The following ADGRL2 variants were observed in gnomAD, a reference collection of about 807,000 sequenced individuals.
ADGRL2 encodes the protein adhesion G protein-coupled receptor L2.
Under a neutral mutation model 157.4 loss-of-function variants are expected in ADGRL2, and 44 were observed. The observed-to-expected ratio is 0.28, with a 90% CI of 0.22 to 0.36. ADGRL2 has a LOEUF of 0.36. Ranked by LOEUF, ADGRL2 falls within the 10% of genes least tolerant of loss-of-function variation. The pLI, the probability that ADGRL2 is intolerant of heterozygous loss-of-function variation, is 1.00. For missense variants in ADGRL2, 1,510 were observed against 1,768.9 expected (o/e 0.85, Z 2.63); for synonymous variants, 585 against 624.7 (o/e 0.94, Z 0.95).
intron 2 of ADGRL2, among the ~76,000 whole-genome samples, chr1:81,458,077 C>A (rs1367768228): frequency 6.6e-6 from 1 of 152,064 alleles, no homozygotes; most frequent in Non-Finnish European, 1.5e-5. Context: ...TTTACAGATG[C>A]TAAAATTGAG....
intron 1 of ADGRL2, among the ~76,000 whole-genome samples, chr1:81,366,262 G>A (rs1016416036): frequency 6.6e-6 from 1 of 150,760 alleles, no homozygotes; most frequent in East Asian, 2.0e-4. Flanking sequence ...TCTTCACTAA[G>A]GAACCCACCA....
intron 2 of ADGRL2, among the ~76,000 whole-genome samples, chr1:81,576,517 C>A (rs1014750306): frequency 6.6e-6 from 1 of 152,068 alleles, no homozygotes; most frequent in Non-Finnish European, 1.5e-5. Flanking sequence ...TCAGAGGCTA[C>A]CCCCATTCAG....
At chr1:81,409,325 A>T (rs1489359813) in intron 1 of ADGRL2, among the ~76,000 whole-genome samples, 1 of 152,228 alleles carries the variant, frequency 6.6e-6, no homozygotes, top group Non-Finnish European at 1.5e-5. Flanking sequence ...GCAGCCCTAA[A>T]TATCTGTTGA....
At chr1:81,425,796 G>A (rs1221574274) in intron 1 of ADGRL2, among the ~76,000 whole-genome samples, 1 of 151,972 alleles carries the variant, frequency 6.6e-6, no homozygotes, top group African/African-American at 2.4e-5. Flanking sequence ...AAACTATAGG[G>A]GAGAAAAAGT....
intron 3 of ADGRL2, among the ~76,000 whole-genome samples, chr1:81,650,594 GAA>G (rs2082400615): frequency 2.1e-5 from 3 of 144,482 alleles, no homozygotes; most frequent in African/African-American, 7.7e-5. Context: ...AAAAAAAAAA[GAA>G]AAAGAAAAGA....
At chr1:81,986,819 T>A in intron 21 of ADGRL2, 82 bp from the exon 22 acceptor site, 1 of 1,411,502 alleles carries the variant, frequency 7.1e-7, no homozygotes, top group Non-Finnish European at 9.7e-7. Flanking sequence ...ATAAAAAAAA[T>A]AGTTGACTAC....
chr1:81,785,736 C>A (rs1319449209), intron 2 of ADGRL2, among the ~76,000 whole-genome samples: 1 of 151,854 alleles, frequency 6.6e-6, no homozygotes, highest in African/African-American at 2.4e-5. Flanking sequence ...TCTAAAAAAA[C>A]GACAACAAAA....
chr1:81,907,179 T>C lies in ADGRL2; in HGVS notation c.236T>C (p.Met79Thr). 1 of 1,614,128 alleles carries C rather than the reference T, an allele frequency of 6.2e-7. No homozygotes were observed. The highest frequency in any genetic ancestry group is 1.1e-5 in the South Asian group (1 of 91,082). Residue 79 changes from methionine (M) to threonine (T), a missense_variant, in exon 3 of 24, where the codon ATG becomes ACG. Coordinates refer to ENST00000686636, the MANE Select transcript of ADGRL2 (RefSeq NM_001366006.2). ...DKICDADPFQ[M>T]ENTDCYLPDA... ...ATTTGTGATGCTGACCCATTTCAGA[T>C]GGAGAATACAGACTGCTACCTCCCC...
chr1:81,753,672 T>C (rs1382159052), intron 1 of ADGRL2, among the ~76,000 whole-genome samples: 1 of 152,214 alleles, frequency 6.6e-6, no homozygotes, highest in East Asian at 1.9e-4. Context: ...ATCCAGTTTG[T>C]CAATTCGGAA....
chr1:81,501,005 G>T (rs1352438003), intron 2 of ADGRL2, among the ~76,000 whole-genome samples: 1 of 152,082 alleles, frequency 6.6e-6, no homozygotes, highest in Non-Finnish European at 1.5e-5. Context: ...GTCTCGAATT[G>T]GATGGTAATA....
At chr1:81,372,846 C>T (rs149285021) in intron 1 of ADGRL2, among the ~76,000 whole-genome samples, 2 of 152,318 alleles carry the variant, frequency 1.3e-5, no homozygotes, top group East Asian at 3.9e-4. Flanking sequence ...CTTAATCACT[C>T]CTCTGTTCCC....
intron 2 of ADGRL2, among the ~76,000 whole-genome samples, chr1:81,525,975 T>C (rs557228211): frequency 2.5e-4 from 38 of 152,216 alleles, no homozygotes; most frequent in African/African-American, 9.1e-4. Flanking sequence ...TAACTAAAAG[T>C]GTATCCTCAT....
chr1:81,393,885 AAT>A (rs1482222150), intron 1 of ADGRL2, among the ~76,000 whole-genome samples: 1 of 148,120 alleles, frequency 6.8e-6, no homozygotes, highest in Non-Finnish European at 1.5e-5. Context: ...TGTTTTTCTG[AAT>A]ATGAAAGTAT....
chr1:81,645,498 A>G (rs974687590), intron 3 of ADGRL2, among the ~76,000 whole-genome samples: 2 of 152,092 alleles, frequency 1.3e-5, no homozygotes, highest in African/African-American at 4.8e-5. Context: ...ACTACCTTCA[A>G]TCCCAGAGGT....
chr1:81,680,713 T>C (rs72716696), intron 3 of ADGRL2, among the ~76,000 whole-genome samples: 1 of 151,856 alleles, frequency 6.6e-6, no homozygotes, highest in Non-Finnish European at 1.5e-5. Context: ...AGAAAAAAAA[T>C]TTTTTTTAAA....
chr1:81,344,676 A>AT (rs1025353703), intron 1 of ADGRL2, among the ~76,000 whole-genome samples: 41 of 145,962 alleles, frequency 2.8e-4, no homozygotes, highest in South Asian at 6.3e-4. Flanking sequence ...CAAAAAAAAA[A>AT]AAAAAAAAAA....
chr1:81,842,599 A>G (rs1394170258), intron 2 of ADGRL2, among the ~76,000 whole-genome samples: 3 of 151,582 alleles, frequency 2.0e-5, no homozygotes, highest in Non-Finnish European at 2.9e-5. Flanking sequence ...CTTGTGATCC[A>G]CCCACCTTGG....
At chr1:81,492,959 A>G (rs1203882182) in intron 2 of ADGRL2, among the ~76,000 whole-genome samples, 1 of 152,200 alleles carries the variant, frequency 6.6e-6, no homozygotes, top group Non-Finnish European at 1.5e-5. Context: ...ATCTCTTCTG[A>G]CATCTAATGT....
intron 1 of ADGRL2, among the ~76,000 whole-genome samples, chr1:81,309,911 T>C (rs534520667): frequency 2.6e-5 from 4 of 152,188 alleles, no homozygotes; most frequent in Non-Finnish European, 5.9e-5. Flanking sequence ...TTTATCTAAC[T>C]ACCTTTCCTA....
Sources: gnomAD v4.1 joint callset for allele counts (sites outside exome capture counted in the v4.1 genomes callset) on GRCh38, gnomAD v4.1.1 for gene constraint, MANE v1.5 for transcripts, NCBI Gene and HGNC (gene_info 2026-07-23, HGNC 2026-07-21) for gene names.